Variants in SPAG16 observed in about 807,000 individuals in gnomAD.
SPAG16 encodes the protein sperm-associated antigen 16 protein.
SPAG16 carries 86 observed loss-of-function variants against 80.4 expected under a neutral mutation model. The ratio of observed to expected loss-of-function variants is 1.07; its 90% CI spans 0.90 to 1.28. The LOEUF (loss-of-function observed/expected upper bound fraction) is 1.28, where lower values mean the gene tolerates loss of function less well. SPAG16 is among the 50% of genes most tolerant of loss of function. The probability of loss-of-function intolerance (pLI) is 0.00; values close to 1 mark genes in which losing one functional copy is unlikely to be tolerated. For synonymous variants in SPAG16, 294 were observed against 265.9 expected (o/e 1.11, Z -1.03); for missense variants, 870 against 765.3 (o/e 1.14, Z -1.61).
At chr2:213,665,743 G>A (rs967584452) in intron 10 of SPAG16, among the ~76,000 whole-genome samples, 1 of 151,926 alleles carries the variant, frequency 6.6e-6, no homozygotes, top group Non-Finnish European at 1.5e-5. Context: ...TGAATTCATG[G>A]CCAACATCAC....
intron 10 of SPAG16, among the ~76,000 whole-genome samples, chr2:213,689,072 G>A (rs575036494): frequency 1.3e-5 from 2 of 152,158 alleles, no homozygotes; most frequent in African/African-American, 2.4e-5. Flanking sequence ...CAATTCTCCT[G>A]CCTCAGCCTC....
At chr2:213,561,743 T>C (rs959567593) in intron 10 of SPAG16, among the ~76,000 whole-genome samples, 1 of 152,220 alleles carries the variant, frequency 6.6e-6, no homozygotes, top group African/African-American at 2.4e-5. Flanking sequence ...TTACAAGAAT[T>C]TCAAACTGCC....
intron 13 of SPAG16, among the ~76,000 whole-genome samples, chr2:214,092,912 A>G (rs1424582445): frequency 6.7e-6 from 1 of 149,814 alleles, no homozygotes; most frequent in Non-Finnish European, 1.5e-5. Flanking sequence ...TTGATTCTTC[A>G]TCCCAGCAGC....
At position 213,350,688 on chromosome 2, in the gene SPAG16, A is replaced by C. The variant is rs375719278; in HGVS notation, c.762+43A>C. 3.5e-6 allele frequency: 4 copies of C among 1,133,946 alleles called. No individual in the cohort carries two copies. The South Asian group carries it at 6.3e-5, about 18-fold the overall frequency. The allele number at this position is 1,133,946 out of a possible 1,614,324, so 70.2% of individuals were successfully genotyped here. ...GCTAACTTAAAATGATCTTTTAATC[A>C]TTTTTTTAATAATACAAGTAGAAAT... On this transcript the variant is annotated intron_variant, in intron 7 of 15. Coordinates refer to ENST00000331683, the MANE Select transcript of SPAG16 (RefSeq NM_024532.5).
At chr2:213,996,630 G>A (rs1243683555) in intron 12 of SPAG16, among the ~76,000 whole-genome samples, 10 of 146,950 alleles carry the variant, frequency 6.8e-5, no homozygotes, top group South Asian at 4.3e-4. Context: ...GTGCAATGGC[G>A]CGATCTCTGC....
intron 10 of SPAG16, among the ~76,000 whole-genome samples, chr2:213,591,038 T>C (rs62195175): frequency 0.27 from 40,914 of 152,084 alleles, 6,393 homozygotes; most frequent in Middle Eastern, 0.43. Context: ...CAAATTAACA[T>C]AGTAACAGAA....
intron 15 of SPAG16, among the ~76,000 whole-genome samples, chr2:214,312,563 C>A (rs916210918): frequency 2.0e-5 from 3 of 152,094 alleles, no homozygotes; most frequent in Non-Finnish European, 2.9e-5. Flanking sequence ...CCTCTAAATG[C>A]TCACTTCTCA....
intron 12 of SPAG16, among the ~76,000 whole-genome samples, chr2:214,006,528 A>C (rs2124913752): frequency 6.6e-6 from 1 of 152,352 alleles, no homozygotes; most frequent in South Asian, 2.1e-4. Context: ...ATAAAGGAAA[A>C]CCAAGACGTA....
intron 10 of SPAG16, among the ~76,000 whole-genome samples, chr2:213,600,291 A>G (rs1229155512): frequency 6.6e-6 from 1 of 152,180 alleles, no homozygotes; most frequent in East Asian, 1.9e-4. Flanking sequence ...GCAACATTAT[A>G]TTCTTTCTTC....
At chr2:213,762,003 C>T (rs922356480) in intron 10 of SPAG16, among the ~76,000 whole-genome samples, 2 of 152,168 alleles carry the variant, frequency 1.3e-5, no homozygotes, top group Non-Finnish European at 2.9e-5. Flanking sequence ...TGATAAGCCA[C>T]AATCAAGTGG....
chr2:214,036,519 C>T (rs543564857), intron 13 of SPAG16, among the ~76,000 whole-genome samples: 4 of 152,188 alleles, frequency 2.6e-5, no homozygotes, highest in Non-Finnish European at 5.9e-5. Flanking sequence ...CACTCACTCA[C>T]CTGTCTCTAT....
At chr2:213,894,897 G>A (rs2076927943) in intron 11 of SPAG16, among the ~76,000 whole-genome samples, 1 of 149,428 alleles carries the variant, frequency 6.7e-6, no homozygotes, top group Non-Finnish European at 1.5e-5. Context: ...GGCTGAGGCA[G>A]GAAAATCACT....
At chr2:213,822,659 T>TA (rs2073017540) in intron 10 of SPAG16, among the ~76,000 whole-genome samples, 1 of 152,202 alleles carries the variant, frequency 6.6e-6, no homozygotes, top group Non-Finnish European at 1.5e-5. Flanking sequence ...GCAGGTTTGT[T>TA]ACGTAAGTAC....
chr2:213,532,207 ATTTC>A (rs2076093423), intron 10 of SPAG16, among the ~76,000 whole-genome samples: 1 of 152,158 alleles, frequency 6.6e-6, no homozygotes, highest in Non-Finnish European at 1.5e-5. Context: ...ACTGGATATG[ATTTC>A]TTTTTTAAAA....
chr2:213,903,633 G>T (rs1404112579), intron 11 of SPAG16, among the ~76,000 whole-genome samples: 1 of 152,132 alleles, frequency 6.6e-6, no homozygotes, highest in Non-Finnish European at 1.5e-5. Context: ...ACATGCCCTG[G>T]ACATATTGTC....
chr2:214,259,979 G>A (rs1286868263), intron 15 of SPAG16, among the ~76,000 whole-genome samples: 1 of 152,114 alleles, frequency 6.6e-6, no homozygotes, highest in Admixed American at 6.6e-5. Context: ...CTAAGATTAT[G>A]TAATTTTTAA....
chr2:214,165,231 A>G (rs1239585240), intron 15 of SPAG16, among the ~76,000 whole-genome samples: 1 of 152,076 alleles, frequency 6.6e-6, no homozygotes, highest in South Asian at 2.1e-4. Context: ...AAACTATTAT[A>G]TCAGTGAGAA....
chr2:213,895,375 T>TA (rs1343042640), intron 11 of SPAG16, among the ~76,000 whole-genome samples: 2 of 151,970 alleles, frequency 1.3e-5, no homozygotes, highest in African/African-American at 4.8e-5. Flanking sequence ...ATGCAATCCC[T>TA]ATCAAAATAC....
At chr2:213,825,124 G>T (rs1239894777) in intron 10 of SPAG16, among the ~76,000 whole-genome samples, 1 of 151,658 alleles carries the variant, frequency 6.6e-6, no homozygotes, top group East Asian at 1.9e-4. Flanking sequence ...ATGGTGTTTT[G>T]GTGGAGTCTT....
Sources: allele counts gnomAD v4.1 joint callset (sites outside exome capture counted in the v4.1 genomes callset), GRCh38; gene constraint gnomAD v4.1.1; transcripts MANE v1.5; gene names NCBI Gene and HGNC (gene_info 2026-07-23, HGNC 2026-07-21).